The following CYREN variants were observed in gnomAD, a reference collection of about 807,000 sequenced individuals.
CYREN encodes cell cycle regulator of NHEJ.
In CYREN, 7 loss-of-function variants were observed where a neutral mutation model predicts 9.7. That is an observed-to-expected ratio of 0.72 (90% CI 0.41 to 1.36). CYREN has a LOEUF of 1.36. Ranked by LOEUF, CYREN falls within the 40% of genes most tolerant of loss-of-function variation. CYREN has a pLI of 0.01. For synonymous variants in CYREN, 76 were observed against 77.9 expected (o/e 0.98, Z 0.13); for missense variants, 215 against 198.1 (o/e 1.09, Z -0.51).
chr7:135,126,821 G>C (rs1030318229), intron 2 of CYREN, among the ~76,000 whole-genome samples: 1 of 152,196 alleles, frequency 6.6e-6, no homozygotes, highest in Non-Finnish European at 1.5e-5. Context: ...GCCATGTGCA[G>C]AAAACTGAAA....
At chr7:135,147,287 T>C (rs111334932) in intron 2 of CYREN, among the ~76,000 whole-genome samples, 8 of 152,274 alleles carry the variant, frequency 5.3e-5, no homozygotes, top group South Asian at 2.1e-4. Flanking sequence ...TTTCTAGAGT[T>C]TGCGTTTAAA....
intron 2 of CYREN, among the ~76,000 whole-genome samples, chr7:135,108,304 AG>A (rs1272606044): frequency 6.6e-6 from 1 of 152,070 alleles, no homozygotes; most frequent in Non-Finnish European, 1.5e-5. Context: ...ATTGCTTTAT[AG>A]TGTCACTGGT....
At chr7:135,105,835 G>A (rs1824627258) in intron 2 of CYREN, among the ~76,000 whole-genome samples, 1 of 152,154 alleles carries the variant, frequency 6.6e-6, no homozygotes, top group South Asian at 2.1e-4. Flanking sequence ...TGGACAATAT[G>A]ACCATTTTAA....
chr7:135,096,884 T>C (rs1822979829), intron 2 of CYREN, among the ~76,000 whole-genome samples: 2 of 152,036 alleles, frequency 1.3e-5, no homozygotes, highest in South Asian at 4.1e-4. Flanking sequence ...ATAGAGCATA[T>C]GACAAAATAT....
At chr7:135,112,511 T>A (rs1363695178) in intron 2 of CYREN, among the ~76,000 whole-genome samples, 2 of 152,230 alleles carry the variant, frequency 1.3e-5, no homozygotes, top group African/African-American at 4.8e-5. Context: ...TAGTCCCACA[T>A]CCTAGATGAC....
chr7:135,133,738 T>C (rs1007092780), intron 2 of CYREN, among the ~76,000 whole-genome samples: 4 of 152,226 alleles, frequency 2.6e-5, no homozygotes, highest in African/African-American at 9.6e-5. Flanking sequence ...AAATGAACTT[T>C]AAACTTACAT....
exon 3 of CYREN, chr7:135,094,191 G>A (rs894126400): frequency 1.7e-5 from 6 of 351,342 alleles, no homozygotes; most frequent in South Asian, 6.6e-5. Context: ...GGGCCTTCTC[G>A]TTTTAGCTGC....
At chr7:135,101,575 GA>G (rs573751097) in intron 2 of CYREN, among the ~76,000 whole-genome samples, 2 of 152,012 alleles carry the variant, frequency 1.3e-5, no homozygotes, top group Non-Finnish European at 2.9e-5. Flanking sequence ...CACCCGCCAA[GA>G]AAATAAAAAG....
rs1830452352 is a variant in CYREN at position 135,169,073 on chromosome 7, A to G, written c.-138-13T>C. The G allele has an allele frequency of 1.3e-6, 1 of 756,844 alleles. No homozygotes were observed. Among genetic ancestry groups the G allele is most frequent in the South Asian group, 1.9e-5 (1 of 51,320 alleles). The allele number at this position is 756,844 out of a possible 1,614,324, so 46.9% of individuals were successfully genotyped here. A position where few individuals can be genotyped will look rare whatever the true frequency, so the allele number is the denominator to read the frequency against. On this transcript the variant is annotated splice_polypyrimidine_tract_variant and intron_variant, in intron 1 of 3. Transcript: ENST00000393114. ...TGATCTTTGATTCCTACAAAGAACA[A>G]TAAAGTCCGGTGAATTCCCATACCT...
chr7:135,147,951 T>C (rs1275884984), intron 2 of CYREN: 9 of 455,136 alleles, frequency 2.0e-5, no homozygotes, highest in Non-Finnish European at 4.0e-5. Context: ...TATGTCATAA[T>C]GGACAATAAA....
chr7:135,111,005 C>T (rs948494953), intron 2 of CYREN, among the ~76,000 whole-genome samples: 14 of 152,190 alleles, frequency 9.2e-5, no homozygotes, highest in Non-Finnish European at 2.1e-4. Context: ...GCTACCTCTT[C>T]CATTCTCCAA....
intron 2 of CYREN, among the ~76,000 whole-genome samples, chr7:135,160,495 A>G (rs904639823): frequency 6.6e-6 from 1 of 152,236 alleles, no homozygotes; most frequent in Non-Finnish European, 1.5e-5. Flanking sequence ...ATATGCTGTC[A>G]CTGCAAAATG....
intron 2 of CYREN, among the ~76,000 whole-genome samples, chr7:135,133,776 A>C (rs1385614111): frequency 6.6e-6 from 1 of 152,134 alleles, no homozygotes; most frequent in Non-Finnish European, 1.5e-5. Context: ...TCACAAAAAA[A>C]CCTGTGTGTA....
intron 2 of CYREN, chr7:135,134,820 C>A (rs1181390396): frequency 6.5e-7 from 1 of 1,542,726 alleles, no homozygotes. Context: ...CAAAAATTCA[C>A]GTATTTCATT....
downstream of CYREN, among the ~76,000 whole-genome samples, chr7:135,163,297 G>C (rs1829995160): frequency 6.6e-6 from 1 of 152,190 alleles, no homozygotes; most frequent in South Asian, 2.1e-4. Flanking sequence ...TATTAACAGT[G>C]GTTTTATGTG....
intron 2 of CYREN, among the ~76,000 whole-genome samples, chr7:135,116,892 T>A (rs1010182174): frequency 1.3e-5 from 2 of 152,188 alleles, no homozygotes; most frequent in Non-Finnish European, 2.9e-5. Context: ...TTTTTGTGCA[T>A]GTGTCTGGGC....
downstream of CYREN, among the ~76,000 whole-genome samples, chr7:135,163,745 T>C (rs1024471138): frequency 2.0e-5 from 3 of 152,248 alleles, no homozygotes; most frequent in Admixed American, 6.5e-5. Context: ...GAGTATATGA[T>C]GGGATTTCAT....
chr7:135,132,619 G>A (rs1828931716), intron 2 of CYREN, among the ~76,000 whole-genome samples: 1 of 152,170 alleles, frequency 6.6e-6, no homozygotes, highest in Admixed American at 6.5e-5. Context: ...AGGGTCAGGT[G>A]GAGATAATTG....
At position 135,168,876 on chromosome 7, in the gene CYREN, C is replaced by G. The variant is rs1585378234; in HGVS notation, c.47G>C (p.Trp16Ser). Reference protein sequence around the residue: ...SETKTRVLPSWLTAQVATKNV... With the variant: ...SETKTRVLPSSLTAQVATKNV... ...CTTTGTAGCCACCTGGGCTGTCAGC[C>G]ATGAGGGAAGGACCCTCGTTTTAGT... Residue 16 changes from tryptophan to serine, a missense_variant, in exon 2 of 4, where the codon TGG becomes TCG. Physicochemically the swap from Trp to Ser is radical, Grantham distance 177. Coordinates refer to ENST00000393114, the MANE Select transcript of CYREN (RefSeq NM_024033.4). 6.2e-7 allele frequency: 1 copy of G among 1,613,770 alleles called. No homozygotes were observed. Among genetic ancestry groups the G allele is most frequent in the African/African-American group, 1.3e-5 (1 of 75,036 alleles).
Sources: allele counts gnomAD v4.1 joint callset (sites outside exome capture counted in the v4.1 genomes callset), GRCh38; gene constraint gnomAD v4.1.1; transcripts MANE v1.5; gene names NCBI Gene and HGNC (gene_info 2026-07-23, HGNC 2026-07-21).